Variants in CCDC6 observed in about 807,000 individuals in gnomAD.
CCDC6 encodes coiled-coil domain containing 6, also known as coiled-coil domain-containing protein 6.
In CCDC6, 20 loss-of-function variants were observed where a neutral mutation model predicts 56.6. That is an observed-to-expected ratio of 0.35 (90% CI 0.25 to 0.51). The LOEUF (loss-of-function observed/expected upper bound fraction) is 0.51, where lower values mean the gene tolerates loss of function less well. Among genes scored for constraint, CCDC6 ranks in the 20% least tolerant of loss-of-function variants. CCDC6 has a pLI of 0.95. For synonymous variants in CCDC6, 241 were observed against 234.4 expected (o/e 1.03, Z -0.26); for missense variants, 367 against 601.1 (o/e 0.61, Z 4.07).
intron 2 of CCDC6, among the ~76,000 whole-genome samples, chr10:59,844,643 C>T (rs2070973691): frequency 9.1e-6 from 1 of 109,718 alleles, no homozygotes; most frequent in South Asian, 2.8e-4. Flanking sequence ...AGCCCAGTTA[C>T]TCAGGAGGCT....
At chr10:59,876,893 C>T (rs1483483125) in intron 1 of CCDC6, among the ~76,000 whole-genome samples, 1 of 152,048 alleles carries the variant, frequency 6.6e-6, no homozygotes, top group African/African-American at 2.4e-5. Flanking sequence ...GTGATTTCAT[C>T]ATTGTGTGAA....
intron 1 of CCDC6, among the ~76,000 whole-genome samples, chr10:59,903,175 G>A (rs926502677): frequency 3.3e-5 from 5 of 152,188 alleles, no homozygotes; most frequent in Admixed American, 3.3e-4. Flanking sequence ...GATGAACAGA[G>A]CGTGGAAGAC....
chr10:59,806,379 A>G (rs1433154218), intron 6 of CCDC6: 1 of 152,172 alleles, frequency 6.6e-6, no homozygotes, highest in Non-Finnish European at 1.5e-5. Context: ...TTCATTGCTT[A>G]GGTTTGAACA....
chr10:59,865,735 C>T lies in CCDC6; in HGVS notation c.304-13033G>A, dbSNP rs192621386. ...GGTGTGGTGGCCCGTGCCTGCAGCC[C>T]CAGCTACTTAGGAGGCTAAAGCAGG... is the stretch of plus-strand genomic sequence containing the variant. On this transcript the variant is annotated intron_variant, in intron 1 of 8. Transcript: ENST00000263102. Among the ~76,000 whole-genome samples the T allele has an allele frequency of 4.6e-5, 7 of 150,854 alleles. No homozygotes were observed. In the East Asian group the frequency reaches 1.2e-3, roughly 25 times the overall value.
intron 3 of CCDC6, among the ~76,000 whole-genome samples, chr10:59,824,951 C>G (rs145324331): frequency 6.6e-6 from 1 of 152,180 alleles, no homozygotes; most frequent in Non-Finnish European, 1.5e-5. Context: ...AGTGACTCCT[C>G]AAGGAACATG....
At chr10:59,799,921 T>C (rs1189241984) in intron 7 of CCDC6, among the ~76,000 whole-genome samples, 2 of 152,232 alleles carry the variant, frequency 1.3e-5, no homozygotes, top group African/African-American at 4.8e-5. Flanking sequence ...CACAAAGTGC[T>C]TTGAGAGTGC....
At chr10:59,816,492 C>A (rs1169412212) in intron 3 of CCDC6, among the ~76,000 whole-genome samples, 1 of 152,106 alleles carries the variant, frequency 6.6e-6, no homozygotes, top group African/African-American at 2.4e-5. Context: ...AGACTTTGAG[C>A]CAAATGCCTA....
chr10:59,886,094 G>A (rs534250049), intron 1 of CCDC6, among the ~76,000 whole-genome samples: 7 of 152,150 alleles, frequency 4.6e-5, no homozygotes, highest in African/African-American at 1.2e-4. Flanking sequence ...AAAGAAGACC[G>A]GCCAATATGA....
Position 59,811,471 on chromosome 10 carries a change from G to T in CCDC6, c.847+1164C>A, listed in dbSNP as rs1036583892. Among the ~76,000 whole-genome samples the T allele has an allele frequency of 2.6e-5, 4 of 152,248 alleles. No homozygotes were observed. In the East Asian group the frequency reaches 7.7e-4, roughly 29 times the overall value. On this transcript the variant is annotated intron_variant, in intron 5 of 8. Transcript: ENST00000263102. ...CAACCAAAAAGGGTCCACTGGTATGGGACTAGTTGAATTATGGCATATTCA... is the reference window on the plus strand; with the variant it reads ...CAACCAAAAAGGGTCCACTGGTATGTGACTAGTTGAATTATGGCATATTCA...
chr10:59,799,548 C>A (rs1169282037), intron 7 of CCDC6, among the ~76,000 whole-genome samples: 1 of 152,186 alleles, frequency 6.6e-6, no homozygotes, highest in East Asian at 1.9e-4. Context: ...TGCCTTATCC[C>A]AAACCAATGA....
chr10:59,885,980 A>C (rs2071380906), intron 1 of CCDC6, among the ~76,000 whole-genome samples: 1 of 143,078 alleles, frequency 7.0e-6, no homozygotes, highest in South Asian at 2.2e-4. Context: ...ACCTCTTAGC[A>C]CAATGCATAG....
chr10:59,799,460 G>T (rs570539897), intron 7 of CCDC6, among the ~76,000 whole-genome samples: 1 of 152,122 alleles, frequency 6.6e-6, no homozygotes, highest in Non-Finnish European at 1.5e-5. Flanking sequence ...CTGTTACCAA[G>T]ACTTCTGCAT....
At chr10:59,883,077 T>C (rs1319869755) in intron 1 of CCDC6, among the ~76,000 whole-genome samples, 1 of 152,158 alleles carries the variant, frequency 6.6e-6, no homozygotes, top group Non-Finnish European at 1.5e-5. Flanking sequence ...GATATATTCG[T>C]ACCCCCGAAA....
intron 3 of CCDC6, 123 bp from the exon 4 acceptor site, chr10:59,814,878 T>C (rs1815019233): frequency 1.6e-6 from 1 of 643,040 alleles, no homozygotes; most frequent in Non-Finnish European, 2.8e-6. Context: ...GCCAATTTTC[T>C]GGCACAAACA....
intron 1 of CCDC6, among the ~76,000 whole-genome samples, chr10:59,895,733 G>GTTCTGGAGGCAATTTCTAACCCT (rs2071457069): frequency 1.3e-5 from 2 of 152,162 alleles, no homozygotes; most frequent in Non-Finnish European, 2.9e-5. Flanking sequence ...AGTCCTTGAC[G>GTTCTGGAGGCAATTTCTAACCCT]TTCTGGAGGC....
intron 3 of CCDC6, among the ~76,000 whole-genome samples, chr10:59,823,025 G>A (rs1174510465): frequency 6.6e-6 from 1 of 152,180 alleles, no homozygotes; most frequent in East Asian, 1.9e-4. Flanking sequence ...GCAGACTTCA[G>A]GGGAAGATTA....
At chr10:59,891,783 A>G (rs555508495) in intron 1 of CCDC6, among the ~76,000 whole-genome samples, 8 of 152,124 alleles carry the variant, frequency 5.3e-5, no homozygotes, top group Admixed American at 1.3e-4. Flanking sequence ...TTGTTTATTT[A>G]CAATGCAAGC....
At chr10:59,847,771 C>A (rs1040532916) in intron 2 of CCDC6, among the ~76,000 whole-genome samples, 8 of 151,328 alleles carry the variant, frequency 5.3e-5, no homozygotes, top group Non-Finnish European at 1.2e-4. Context: ...AAGTTCAGCA[C>A]CCAAGTATAA....
chr10:59,880,631 T>G (rs893746464), intron 1 of CCDC6, among the ~76,000 whole-genome samples: 1 of 152,166 alleles, frequency 6.6e-6, no homozygotes, highest in African/African-American at 2.4e-5. Context: ...ACTTACCATA[T>G]GTGTATAAGT....
Sources: gnomAD v4.1 joint callset for allele counts (sites outside exome capture counted in the v4.1 genomes callset) on GRCh38, gnomAD v4.1.1 for gene constraint, MANE v1.5 for transcripts, NCBI Gene and HGNC (gene_info 2026-07-23, HGNC 2026-07-21) for gene names.